Variants in IKZF2 observed in about 807,000 individuals in gnomAD.
IKZF2 encodes the protein IKAROS family zinc finger 2, also known as zinc finger protein Helios.
In IKZF2, 15 loss-of-function variants were observed where a neutral mutation model predicts 49.2. The observed-to-expected ratio is 0.30, with a 90% CI of 0.20 to 0.47. The LOEUF (loss-of-function observed/expected upper bound fraction) is 0.47, where lower values mean the gene tolerates loss of function less well. Ranked by LOEUF, IKZF2 falls within the 20% of genes least tolerant of loss-of-function variation. IKZF2 has a pLI of 1.00. For missense variants in IKZF2, 567 were observed against 664.6 expected, an observed-to-expected ratio of 0.85 and a Z score of 1.61; for synonymous variants, 227 against 221.4, an observed-to-expected ratio of 1.03 and a Z score of -0.23.
chr2:213,043,183 T>TACACACAC (rs34393449), intron 6 of IKZF2, among the ~76,000 whole-genome samples: 9 of 148,848 alleles, frequency 6.0e-5, no homozygotes, highest in South Asian at 4.3e-4. Flanking sequence ...GTAAATGAAA[T>TACACACAC]ACACACACAC....
chr2:213,059,455 G>A (rs1256694874), intron 4 of IKZF2, among the ~76,000 whole-genome samples: 1 of 151,456 alleles, frequency 6.6e-6, no homozygotes, highest in South Asian at 2.1e-4. Flanking sequence ...TTCTGGTAAG[G>A]GAGACTTTTA....
rs1170060197 is a variant in IKZF2, at chr2:213,002,334, G to T, written c.*5026C>A. 2.0e-5 allele frequency: 3 copies of T among 151,392 alleles called. No individual in the cohort carries two copies. In the East Asian group the frequency reaches 5.8e-4, roughly 29 times the overall value. The allele number at this position is 151,392 out of a possible 1,614,324, so 9.4% of individuals were successfully genotyped here. ...TATGAACTTATTCCTAAGAGTGCAG[G>T]TGAAAAATATCCTCAAACTTACAGT... On this transcript the variant is annotated 3_prime_UTR_variant, in exon 9 of 9. Transcript: ENST00000434687.
upstream of IKZF2, among the ~76,000 whole-genome samples, chr2:213,151,856 T>TGCGC (rs920664847): frequency 3.6e-4 from 53 of 149,200 alleles, no homozygotes; most frequent in African/African-American, 1.2e-3. Context: ...AGAGCGCGTG[T>TGCGC]GCGCGCGCGC....
intron 4 of IKZF2, among the ~76,000 whole-genome samples, chr2:213,141,934 AG>A (rs374732400): frequency 3.3e-5 from 5 of 152,186 alleles, no homozygotes; most frequent in African/African-American, 1.2e-4. Flanking sequence ...CTTCAAATTT[AG>A]AACATCTAAA....
intron 4 of IKZF2, among the ~76,000 whole-genome samples, chr2:213,112,527 G>A (rs142152048): frequency 4.0e-5 from 6 of 149,998 alleles, no homozygotes; most frequent in East Asian, 1.9e-4. Context: ...GCAGTGGCAC[G>A]ATCACAGCTC....
intron 4 of IKZF2, among the ~76,000 whole-genome samples, chr2:213,090,144 G>A (rs115636885): frequency 0.016 from 2,371 of 152,256 alleles, 32 homozygotes; most frequent in East Asian, 0.058. Context: ...GAGAAATGTG[G>A]GCAGTGTGTG....
At chr2:213,128,208 A>C (rs1283529862) in intron 4 of IKZF2, among the ~76,000 whole-genome samples, 2 of 152,208 alleles carry the variant, frequency 1.3e-5, no homozygotes, top group Admixed American at 1.3e-4. Context: ...AAACCCTAGA[A>C]GCCTTATCTA....
At chr2:213,038,730 T>C (rs755656903) in intron 6 of IKZF2, among the ~76,000 whole-genome samples, 4 of 152,136 alleles carry the variant, frequency 2.6e-5, no homozygotes, top group Non-Finnish European at 5.9e-5. Flanking sequence ...AACTGGTGTA[T>C]TATAAAAGAG....
intron 4 of IKZF2, among the ~76,000 whole-genome samples, chr2:213,094,132 C>G (rs2125662138): frequency 6.6e-6 from 1 of 152,172 alleles, no homozygotes; most frequent in East Asian, 1.9e-4. Flanking sequence ...TATGGATTAA[C>G]AGGTTAAGCA....
At chr2:213,063,620 A>G (rs925912720) in intron 4 of IKZF2, among the ~76,000 whole-genome samples, 1 of 152,050 alleles carries the variant, frequency 6.6e-6, no homozygotes, top group Admixed American at 6.6e-5. Flanking sequence ...AAATACTGAC[A>G]TATTCTTTTT....
In IKZF2 at chr2:213,001,047, C is replaced by T. The variant is rs1293525703; in HGVS notation, c.*6313G>A. ...TTTATGAGTTTCTTTTTGTCATTAG[C>T]TAAAGGAAGAATAGGTCAGAAAAGA... On this transcript the variant is annotated 3_prime_UTR_variant, in exon 9 of 9. Transcript: ENST00000434687. 2 of 150,964 alleles carry T rather than the reference C, an allele frequency of 1.3e-5. No individual in the cohort carries two copies. Among genetic ancestry groups the T allele is most frequent in the East Asian group, 3.9e-4 (2 of 5,162 alleles). 9.4% of individuals were successfully genotyped at this position (150,964 alleles called of 1,614,324 possible). A position where few individuals can be genotyped will look rare whatever the true frequency, so the allele number is the denominator to read the frequency against.
chr2:213,048,337 C>A (rs1340358146), intron 6 of IKZF2, among the ~76,000 whole-genome samples: 1 of 151,922 alleles, frequency 6.6e-6, no homozygotes, highest in African/African-American at 2.4e-5. Context: ...ATGATTTCAA[C>A]AAAAATAAGA....
chr2:213,027,865 T>C (rs990103433), intron 6 of IKZF2, among the ~76,000 whole-genome samples: 5 of 152,146 alleles, frequency 3.3e-5, no homozygotes, highest in African/African-American at 1.2e-4. Flanking sequence ...TGAGCGTATG[T>C]CTCTGGTCTA....
chr2:213,047,344 G>A (rs1700246353), intron 6 of IKZF2, among the ~76,000 whole-genome samples: 1 of 152,068 alleles, frequency 6.6e-6, no homozygotes, highest in South Asian at 2.1e-4. Context: ...CCAAAGGAGT[G>A]GTTCATGTAT....
chr2:213,014,665 C>T, intron 7 of IKZF2: 1 of 152,010 alleles, frequency 6.6e-6, no homozygotes, highest in East Asian at 1.9e-4. Context: ...CTATTCATCC[C>T]TTTTTTCTAA....
At chr2:213,099,266 T>C (rs887063652) in intron 4 of IKZF2, among the ~76,000 whole-genome samples, 1 of 152,124 alleles carries the variant, frequency 6.6e-6, no homozygotes, top group Non-Finnish European at 1.5e-5. Flanking sequence ...ATATTGTAAA[T>C]ATTACTGTAA....
At chr2:213,113,212 T>C (rs769824573) in intron 4 of IKZF2, among the ~76,000 whole-genome samples, 1 of 152,206 alleles carries the variant, frequency 6.6e-6, no homozygotes, top group Non-Finnish European at 1.5e-5. Flanking sequence ...TCCTACTTTA[T>C]ATGGATGTCC....
chr2:213,130,426 A>G (rs1225961166), intron 4 of IKZF2, among the ~76,000 whole-genome samples: 1 of 152,188 alleles, frequency 6.6e-6, no homozygotes, highest in Non-Finnish European at 1.5e-5. Flanking sequence ...AGAACACAGT[A>G]AGATCCAAAA....
At chr2:213,038,840 A>G (rs1163774087) in intron 6 of IKZF2, among the ~76,000 whole-genome samples, 1 of 152,188 alleles carries the variant, frequency 6.6e-6, no homozygotes, top group Non-Finnish European at 1.5e-5. Context: ...TTGTGATAAT[A>G]AATTCCTTAG....
Sources: gnomAD v4.1 joint callset for allele counts (sites outside exome capture counted in the v4.1 genomes callset) on GRCh38, gnomAD v4.1.1 for gene constraint, MANE v1.5 for transcripts, NCBI Gene and HGNC (gene_info 2026-07-23, HGNC 2026-07-21) for gene names.